PTPRD: variants seen among roughly 807,000 people sequenced by gnomAD.
The protein encoded by PTPRD is receptor-type tyrosine-protein phosphatase delta.
In PTPRD, 34 loss-of-function variants were observed where a neutral mutation model predicts 214.5. The ratio of observed to expected loss-of-function variants is 0.16; its 90% CI spans 0.12 to 0.21. The LOEUF is 0.21. Among genes scored for constraint, PTPRD ranks in the 10% least tolerant of loss-of-function variants. The pLI, the probability that PTPRD is intolerant of heterozygous loss-of-function variation, is 1.00. For synonymous variants in PTPRD, 1,128 were observed against 845.7 expected (o/e 1.33, Z -5.79); for missense variants, 2,545 against 2,398.7 (o/e 1.06, Z -1.27).
At chr9:10,454,144 C>A (rs966754566) in intron 2 of PTPRD, among the ~76,000 whole-genome samples, 22 of 151,500 alleles carry the variant, frequency 1.5e-4, no homozygotes, top group African/African-American at 4.8e-4. Context: ...AAACTGTAAT[C>A]AACAGATTAT....
At chr9:8,679,541 C>T (rs1041273295) in intron 12 of PTPRD, among the ~76,000 whole-genome samples, 1 of 152,200 alleles carries the variant, frequency 6.6e-6, no homozygotes, top group Non-Finnish European at 1.5e-5. Context: ...AGAACGCCTT[C>T]AACTCCTGAG....
At chr9:9,544,227 A>G (rs898082445) in intron 8 of PTPRD, among the ~76,000 whole-genome samples, 1 of 151,666 alleles carries the variant, frequency 6.6e-6, no homozygotes, top group Admixed American at 6.6e-5. Flanking sequence ...AAATTGTACT[A>G]TAAGAACCAA....
At chr9:8,457,458 T>C (rs1238810191) in intron 33 of PTPRD, among the ~76,000 whole-genome samples, 4 of 152,130 alleles carry the variant, frequency 2.6e-5, no homozygotes, top group African/African-American at 9.7e-5. Context: ...TGGTGATTTT[T>C]TTTTGTTACT....
At chr9:9,717,353 T>G (rs1238561864) in intron 7 of PTPRD, among the ~76,000 whole-genome samples, 1 of 152,210 alleles carries the variant, frequency 6.6e-6, no homozygotes, top group Non-Finnish European at 1.5e-5. Context: ...TGGTTCCATA[T>G]GAACTTTAAA....
At chr9:9,750,321 C>A (rs2761709) in intron 6 of PTPRD, among the ~76,000 whole-genome samples, 121,243 of 151,980 alleles carry the variant, frequency 0.8, 48,872 homozygotes, top group African/African-American at 0.91. Context: ...GTTATCAAGC[C>A]ATCCAAAAAA....
At chr9:8,479,185 G>A (rs767675) in intron 30 of PTPRD, among the ~76,000 whole-genome samples, 51,643 of 151,996 alleles carry the variant, frequency 0.34, 9,040 homozygotes, top group African/African-American at 0.44. Context: ...ACATTAACCA[G>A]TCTAGAAAAC....
intron 8 of PTPRD, among the ~76,000 whole-genome samples, chr9:9,498,454 CAT>C (rs2096279479): frequency 6.6e-6 from 1 of 152,064 alleles, no homozygotes; most frequent in South Asian, 2.1e-4. Context: ...GATAAATTAT[CAT>C]ATCTCAGCTC....
At chr9:10,194,867 T>C (rs953790127) in intron 3 of PTPRD, among the ~76,000 whole-genome samples, 1 of 151,892 alleles carries the variant, frequency 6.6e-6, no homozygotes, top group African/African-American at 2.4e-5. Flanking sequence ...ACAACTCTAA[T>C]GAGATGTTAT....
chr9:10,386,856 G>C (rs933556080), intron 2 of PTPRD, among the ~76,000 whole-genome samples: 4 of 151,862 alleles, frequency 2.6e-5, no homozygotes, highest in Admixed American at 6.6e-5. Context: ...TGGAATTAAG[G>C]CTGCTAATAA....
chr9:10,355,336 C>T (rs1279628114), intron 2 of PTPRD, among the ~76,000 whole-genome samples: 1 of 151,972 alleles, frequency 6.6e-6, no homozygotes, highest in Non-Finnish European at 1.5e-5. Context: ...GGTACTCAGA[C>T]TTCCCAGGTT....
At position 10,163,147 on chromosome 9, in the gene PTPRD, T is replaced by C. The variant is rs527962517; in HGVS notation, c.-544-129357A>G. The stretch of plus-strand genomic sequence containing the variant: ...ATAACCCTTATTCTACTGAGTGTCA[T>C]TGTTTTTAAATTTTGATTATCCTAA... On this transcript the variant is annotated intron_variant, in intron 3 of 45. Coordinates refer to ENST00000381196, the MANE Select transcript of PTPRD (RefSeq NM_002839.4). 8.9e-5 allele frequency among the ~76,000 whole-genome samples: 13 copies of C among 146,034 alleles called. No individual in the cohort carries two copies. In the South Asian group the frequency reaches 2.3e-3, roughly 26 times the overall value.
intron 2 of PTPRD, among the ~76,000 whole-genome samples, chr9:10,342,617 C>T (rs905052837): frequency 1.3e-5 from 2 of 152,062 alleles, no homozygotes; most frequent in Non-Finnish European, 2.9e-5. Context: ...TATAAATACA[C>T]TTACTTAGAG....
chr9:9,707,023 C>G (rs1030179865), intron 7 of PTPRD, among the ~76,000 whole-genome samples: 1 of 152,060 alleles, frequency 6.6e-6, no homozygotes, highest in African/African-American at 2.4e-5. Context: ...AAATACCACT[C>G]AAGAAAATAT....
At chr9:9,980,370 G>T (rs1270198946) in intron 4 of PTPRD, among the ~76,000 whole-genome samples, 1 of 151,772 alleles carries the variant, frequency 6.6e-6, no homozygotes, top group Admixed American at 6.6e-5. Context: ...GGAATTGGGA[G>T]GCCGAGGTGG....
chr9:9,481,120 T>C (rs1217030922), intron 8 of PTPRD, among the ~76,000 whole-genome samples: 2 of 152,126 alleles, frequency 1.3e-5, no homozygotes, highest in East Asian at 3.8e-4. Flanking sequence ...ATGATGATGA[T>C]GATGACAGTT....
At chr9:8,628,180 G>C (rs778669981) in intron 14 of PTPRD, among the ~76,000 whole-genome samples, 1 of 151,780 alleles carries the variant, frequency 6.6e-6, no homozygotes, top group Non-Finnish European at 1.5e-5. Flanking sequence ...AAACGGCAAA[G>C]TACCATTTTC....
chr9:8,726,030 C>G lies in PTPRD; in HGVS notation c.64+7750G>C, dbSNP rs10116786. The stretch of plus-strand genomic sequence containing the variant: ...TAGCAGACAGACAGACAGACAGACA[C>G]ACACACACACACACACACACACACA... On this transcript the variant is annotated intron_variant, in intron 12 of 45. Transcript: ENST00000381196. Among the ~76,000 whole-genome samples, 426 of 134,362 alleles carry G rather than the reference C, an allele frequency of 3.2e-3. 1 individual carries two copies. Among genetic ancestry groups the G allele is most frequent in the African/African-American group, 5.7e-3 (180 of 31,848 alleles). 88.1% of individuals were successfully genotyped at this position (134,362 alleles called of 152,430 possible). A position where few individuals can be genotyped will look rare whatever the true frequency, so the allele number is the denominator to read the frequency against.
intron 10 of PTPRD, among the ~76,000 whole-genome samples, chr9:9,069,725 T>C (rs1398851639): frequency 2.0e-5 from 3 of 152,192 alleles, no homozygotes; most frequent in African/African-American, 7.2e-5. Flanking sequence ...AAGGCAGTGT[T>C]AGAATGTAAA....
At chr9:10,486,484 T>C (rs1434187890) in intron 2 of PTPRD, among the ~76,000 whole-genome samples, 1 of 152,172 alleles carries the variant, frequency 6.6e-6, no homozygotes, top group East Asian at 1.9e-4. Flanking sequence ...AAAGATCAGA[T>C]AGTTGTAGAT....
Sources: allele counts gnomAD v4.1 joint callset (sites outside exome capture counted in the v4.1 genomes callset), GRCh38; gene constraint gnomAD v4.1.1; transcripts MANE v1.5; gene names NCBI Gene and HGNC (gene_info 2026-07-23, HGNC 2026-07-21).